AGAP1: variants seen among roughly 807,000 people sequenced by gnomAD.
AGAP1 encodes the protein arf-GAP with GTPase, ANK repeat and PH domain-containing protein 1.
AGAP1 carries 29 observed loss-of-function variants against 105.3 expected under a neutral mutation model. That is an observed-to-expected ratio of 0.28 (90% CI 0.21 to 0.38). The LOEUF is 0.38. Among genes scored for constraint, AGAP1 ranks in the 10% least tolerant of loss-of-function variants. The pLI is 1.00. For missense variants in AGAP1, 998 were observed against 1,165.1 expected, an observed-to-expected ratio of 0.86 and a Z score of 2.09; for synonymous variants, 509 against 485.9, an observed-to-expected ratio of 1.05 and a Z score of -0.63.
In AGAP1 at chr2:235,655,817, A is replaced by C. The variant is rs1947752415; in HGVS notation, c.164-53362A>C. ...TTCAGGATTAAGTTTATTCAGTAGA[A>C]ATTTCCAAGGTATTTTTTTAAGTGA... On this transcript the variant is annotated intron_variant, in intron 1 of 17. Coordinates refer to ENST00000304032, the MANE Select transcript of AGAP1 (RefSeq NM_001037131.3). The surrounding 1 kb of genome is among the most constrained non-coding windows in gnomAD (Gnocchi z 4.3). Among the ~76,000 whole-genome samples, 1 of 152,098 alleles carries C rather than the reference A, an allele frequency of 6.6e-6. No homozygotes were observed. The highest frequency in any genetic ancestry group is 6.5e-5 in the Admixed American group (1 of 15,270).
At position 235,728,320 on chromosome 2, in the gene AGAP1, T is replaced by TGTGTGTGTGTGCGC. The variant is rs1328525428; in HGVS notation, c.310+10683_310+10684insTGTGCGCGTGTGTG. Among the ~76,000 whole-genome samples the TGTGTGTGTGTGCGC allele has an allele frequency of 6.6e-6, 1 of 151,718 alleles. No homozygotes were observed. Among genetic ancestry groups the TGTGTGTGTGTGCGC allele is most frequent in the African/African-American group, 2.4e-5 (1 of 41,148 alleles). On this transcript the variant is annotated intron_variant, in intron 3 of 17. Coordinates refer to ENST00000304032, the MANE Select transcript of AGAP1 (RefSeq NM_001037131.3). This position sits in a 1 kb window ranked among gnomAD's most constrained non-coding sequence, Gnocchi z 4.3. ...CAGACTCTGTGTGTGTGTGTGTGTG[T>TGTGTGTGTGTGCGC]GTGTGTGCGTGCTCTTAAATCAATG...
In AGAP1 at chr2:235,771,270, A is replaced by G. The variant is rs1042219444; in HGVS notation, c.673+20782A>G. 6.6e-5 allele frequency among the ~76,000 whole-genome samples: 10 copies of G among 152,224 alleles called. 1 individual carries two copies. Among genetic ancestry groups the G allele is most frequent in the Non-Finnish European group, 1.2e-4 (8 of 68,042 alleles). ...GCAGGAAGCTAAGGCAGATGGTCAG[A>G]GGCAGGCCGCCTCCAGAGGGCTTCT... On this transcript the variant is annotated intron_variant, in intron 6 of 17. Coordinates refer to ENST00000304032, the MANE Select transcript of AGAP1 (RefSeq NM_001037131.3).
intron 9 of AGAP1, among the ~76,000 whole-genome samples, chr2:235,878,269 A>G (rs1164190354): frequency 2.0e-5 from 3 of 152,210 alleles, no homozygotes; most frequent in African/African-American, 7.2e-5. Flanking sequence ...ACCAGCGTTC[A>G]ATGCAAAAAT....
rs529970018 is a variant in AGAP1, at chr2:235,789,634, T to A, written c.674-8125T>A. Among the ~76,000 whole-genome samples, 11 of 152,014 alleles carry A rather than the reference T, an allele frequency of 7.2e-5. No individual in the cohort carries two copies. The South Asian group carries it at 1.5e-3, about 20-fold the overall frequency. On this transcript the variant is annotated intron_variant, in intron 6 of 17. Transcript: ENST00000304032. The surrounding 1 kb of genome is among the most constrained non-coding windows in gnomAD (Gnocchi z 4.2). ...GAGGGTTGTTTGCTCAAAAAAAAAATACATATATATAGTCATATTTTGTGC... is the reference window on the plus strand; with the variant it reads ...GAGGGTTGTTTGCTCAAAAAAAAAAAACATATATATAGTCATATTTTGTGC...
rs528631399 is a variant in AGAP1 at position 236,014,411 on chromosome 2, G to A, written c.1646-22150G>A. On this transcript the variant is annotated intron_variant, in intron 13 of 17. Transcript: ENST00000304032. This position sits in a 1 kb window ranked among gnomAD's most constrained non-coding sequence, Gnocchi z 6.3. ...TTTGACATGCTCCTAATATTTGGCCGAATCAAAGGGCTTGTGGCGACTGGC... is the reference window on the plus strand; with the variant it reads ...TTTGACATGCTCCTAATATTTGGCCAAATCAAAGGGCTTGTGGCGACTGGC... Among the ~76,000 whole-genome samples, 2 of 152,322 alleles carry A rather than the reference G, an allele frequency of 1.3e-5. No individual in the cohort carries two copies. Among genetic ancestry groups the A allele is most frequent in the African/African-American group, 2.4e-5 (1 of 41,570 alleles).
At chr2:235,903,489 C>G (rs2051157849) in intron 10 of AGAP1, among the ~76,000 whole-genome samples, 1 of 152,210 alleles carries the variant, frequency 6.6e-6, no homozygotes, top group African/African-American at 2.4e-5. Flanking sequence ...AGCAAACCAT[C>G]TTTTCACCAG....
At chr2:235,579,286 C>A (rs1944846057) in intron 1 of AGAP1, among the ~76,000 whole-genome samples, 2 of 152,180 alleles carry the variant, frequency 1.3e-5, no homozygotes, top group African/African-American at 4.8e-5. Context: ...TTTAATCCTT[C>A]CTGGTGTGAC....
At position 236,120,958 on chromosome 2, in the gene AGAP1, AAG is replaced by A. The variant is rs1258203312; in HGVS notation, c.2370+515_2370+516del. Among the ~76,000 whole-genome samples, 3 of 152,248 alleles carry A rather than the reference AAG, an allele frequency of 2.0e-5. No individual in the cohort carries two copies. In the East Asian group the frequency reaches 5.8e-4, roughly 29 times the overall value. On this transcript the variant is annotated intron_variant, in intron 17 of 17. Coordinates refer to ENST00000304032, the MANE Select transcript of AGAP1 (RefSeq NM_001037131.3). The surrounding 1 kb of genome is among the most constrained non-coding windows in gnomAD (Gnocchi z 6.0). Reference sequence around the variant, plus strand: ...TGTGTCACAATGCTTGAAGGAGTGAAAGAGAAGGATAAAGTGGTTGTGCAGAG... The same window carrying A: ...TGTGTCACAATGCTTGAAGGAGTGAAAGAAGGATAAAGTGGTTGTGCAGAG...
intron 11 of AGAP1, among the ~76,000 whole-genome samples, chr2:235,914,708 C>T (rs1315158053): frequency 6.6e-6 from 1 of 152,172 alleles, no homozygotes; most frequent in Non-Finnish European, 1.5e-5. Flanking sequence ...CCCTCTGGGG[C>T]TCATGCATTG....
chr2:235,890,241 A>G (rs1229723634), intron 10 of AGAP1, among the ~76,000 whole-genome samples: 2 of 149,588 alleles, frequency 1.3e-5, no homozygotes, highest in African/African-American at 2.5e-5. Context: ...GCTCACTGCA[A>G]CCTCTGGGTT....
chr2:235,862,178 C>T (rs141646091), intron 9 of AGAP1, among the ~76,000 whole-genome samples: 2 of 150,606 alleles, frequency 1.3e-5, no homozygotes, highest in Non-Finnish European at 2.9e-5. Flanking sequence ...GCTCCGTGCA[C>T]GTGCAGCCCG....
At chr2:235,767,204 C>T (rs1955032595) in intron 6 of AGAP1, among the ~76,000 whole-genome samples, 1 of 152,168 alleles carries the variant, frequency 6.6e-6, no homozygotes, top group Admixed American at 6.5e-5. Flanking sequence ...AGTCACTGCA[C>T]CCTGGCCTGA....
At chr2:235,683,069 G>A (rs1462021671) in intron 1 of AGAP1, among the ~76,000 whole-genome samples, 1 of 152,176 alleles carries the variant, frequency 6.6e-6, no homozygotes, top group Non-Finnish European at 1.5e-5. Context: ...CACTTTGGGA[G>A]GCCGAGGTGG....
chr2:235,999,308 ATGGTGGTGGTGGTGG>A (rs1164925574), intron 13 of AGAP1, among the ~76,000 whole-genome samples: 1 of 30,316 alleles, frequency 3.3e-5, no homozygotes, highest in Non-Finnish European at 6.9e-5. Context: ...GGTGATGGTG[ATGGTGGTGGTGGTGG>A]TGGTGGTGAT....
Position 235,769,700 on chromosome 2 carries a change from G to GA in AGAP1, c.673+19221dup, listed in dbSNP as rs971023166. 1.7e-4 allele frequency among the ~76,000 whole-genome samples: 25 copies of GA among 148,672 alleles called. No homozygotes were observed. The highest frequency in any genetic ancestry group is 1.1e-3 in the South Asian group (5 of 4,600). On this transcript the variant is annotated intron_variant, in intron 6 of 17. Coordinates refer to ENST00000304032, the MANE Select transcript of AGAP1 (RefSeq NM_001037131.3). This position sits in a 1 kb window ranked among gnomAD's most constrained non-coding sequence, Gnocchi z 4.4. ...GTGGTCAAAATCTCGGGGAGGCAGT[G>GA]AAAAAAAAACGAAAGCAGTGACTAA... is the stretch of plus-strand genomic sequence containing the variant.
At chr2:236,011,850 CAGTGGCTGGGT>C (rs1336028653) in intron 13 of AGAP1, among the ~76,000 whole-genome samples, 5 of 152,060 alleles carry the variant, frequency 3.3e-5, no homozygotes, top group Non-Finnish European at 7.4e-5. Flanking sequence ...CAGTGGTGGG[CAGTGGCTGGGT>C]GGCACCAAAC....
At chr2:235,856,496 C>G (rs2048691046) in intron 9 of AGAP1, among the ~76,000 whole-genome samples, 1 of 152,208 alleles carries the variant, frequency 6.6e-6, no homozygotes, top group Non-Finnish European at 1.5e-5. Flanking sequence ...AAACTTGGGC[C>G]CTTGAGGTTC....
chr2:235,516,013 C>T (rs938591359), intron 1 of AGAP1, among the ~76,000 whole-genome samples: 2 of 151,618 alleles, frequency 1.3e-5, no homozygotes, highest in African/African-American at 4.9e-5. Flanking sequence ...CTGGGTGCCT[C>T]AGTGCTCAGG....
intron 1 of AGAP1, among the ~76,000 whole-genome samples, chr2:235,636,479 G>A (rs112429175): frequency 2.0e-5 from 3 of 152,234 alleles, no homozygotes; most frequent in East Asian, 1.9e-4. Flanking sequence ...ATCTGGTCTC[G>A]AACCCTCAGT....
Sources: gnomAD v4.1 joint callset for allele counts (sites outside exome capture counted in the v4.1 genomes callset) on GRCh38, gnomAD v4.1.1 for gene constraint, Gnocchi (gnomAD v3.1) non-coding constraint, MANE v1.5 for transcripts, NCBI Gene and HGNC (gene_info 2026-07-23, HGNC 2026-07-21) for gene names.